The following PLCH1 variants were observed in gnomAD, a reference collection of about 807,000 sequenced individuals.
PLCH1 encodes phospholipase C eta 1.
In PLCH1, 60 loss-of-function variants were observed where a neutral mutation model predicts 126.7. That is an observed-to-expected ratio of 0.47 (90% CI 0.38 to 0.59). The LOEUF (loss-of-function observed/expected upper bound fraction) is 0.59, where lower values mean the gene tolerates loss of function less well. Ranked by LOEUF, PLCH1 falls within the 20% of genes least tolerant of loss-of-function variation. The pLI is 0.00. For synonymous variants in PLCH1, 719 were observed against 734.9 expected, an observed-to-expected ratio of 0.98 and a Z score of 0.35; for missense variants, 1,723 against 2,040.0, an observed-to-expected ratio of 0.84 and a Z score of 2.99.
Position 155,488,781 on chromosome 3 carries a change from T to A in PLCH1, c.2418A>T (p.Thr806=). The A allele has an allele frequency of 6.2e-7, 1 of 1,612,808 alleles. No homozygotes were observed. The highest frequency in any genetic ancestry group is 1.1e-5 in the South Asian group (1 of 90,808). The change falls in exon 20 of 23, where the codon ACA becomes ACT. Residue 806 remains threonine, a synonymous_variant. Coordinates refer to ENST00000460012, the MANE Select transcript of PLCH1 (RefSeq NM_014996.4). ...DNGFNPVWEE[T]LTFTVHMPEI... ...CTGGCATGTGTACTGTAAATGTCAGTGTTTCTTCCCACACAGGGTTAAATC... is the reference window on the plus strand; with the variant it reads ...CTGGCATGTGTACTGTAAATGTCAGAGTTTCTTCCCACACAGGGTTAAATC...
At chr3:155,734,083 G>A (rs147403111) in intron 1 of PLCH1, among the ~76,000 whole-genome samples, 3 of 151,492 alleles carry the variant, frequency 2.0e-5, no homozygotes, top group South Asian at 2.1e-4. Context: ...AAAAGTAAGT[G>A]CTGGCAAGGA....
intron 6 of PLCH1, among the ~76,000 whole-genome samples, chr3:155,578,540 T>G (rs949526063): frequency 7.9e-5 from 12 of 152,196 alleles, no homozygotes; most frequent in Admixed American, 7.9e-4. Context: ...CTCATTAGCA[T>G]GAACTCAGAT....
Position 155,522,737 on chromosome 3 carries a change from G to T in PLCH1, c.1470+1160C>A, listed in dbSNP as rs534571832. On this transcript the variant is annotated intron_variant, in intron 11 of 22. Coordinates refer to ENST00000460012, the MANE Select transcript of PLCH1 (RefSeq NM_014996.4). The stretch of plus-strand genomic sequence containing the variant: ...TTTTTTTTTTTTTTTTTAGAGGGTA[G>T]AATCATAGTCCTGATGTCTAGAGGA... Among the ~76,000 whole-genome samples the T allele has an allele frequency of 7.9e-4, 113 of 142,218 alleles. 5 individuals are homozygous for T. The South Asian group carries it at 0.025, about 32-fold the overall frequency. The allele number at this position is 142,218 out of a possible 152,430, so 93.3% of individuals were successfully genotyped here.
intron 2 of PLCH1, among the ~76,000 whole-genome samples, chr3:155,647,382 G>C (rs1740179851): frequency 6.6e-6 from 1 of 151,654 alleles, no homozygotes; most frequent in African/African-American, 2.4e-5. Flanking sequence ...AATTTAATAA[G>C]AATGTTTCTG....
chr3:155,479,779 C>T (rs1713728842), downstream of PLCH1: 1 of 152,162 alleles, frequency 6.6e-6, no homozygotes, highest in Non-Finnish European at 1.5e-5. Context: ...TCTGTGATAG[C>T]TTTCTATTTT....
chr3:155,482,690 T>A lies in PLCH1; in HGVS notation c.3336A>T (p.Lys1112Asn). 1.9e-6 allele frequency: 3 copies of A among 1,614,192 alleles called. No homozygotes were observed. The highest frequency in any genetic ancestry group is 2.2e-5 in the South Asian group (2 of 91,092). Reference sequence around the variant, plus strand: ...AAAGGACGCTTCCTGACAAGATGCTTTTCCCTTCCACAAAGTCCTCAGGAT... The same window carrying A: ...AAAGGACGCTTCCTGACAAGATGCTATTCCCTTCCACAAAGTCCTCAGGAT... ...KGNPEDFVEGKSILSGSVLSH... is the reference protein window; with the variant it reads ...KGNPEDFVEGNSILSGSVLSH... Residue 1112 changes from lysine (K) to asparagine (N), a missense_variant, in exon 23 of 23, where the codon AAA (lysine) becomes AAT (asparagine). Around this residue, in one of 2 missense-constraint regions of PLCH1, gnomAD observed 947 missense variants for 977.1 expected, o/e 0.97. Transcript: ENST00000460012.
intron 9 of PLCH1, among the ~76,000 whole-genome samples, chr3:155,551,489 A>T (rs1726129970): frequency 7.3e-6 from 1 of 137,704 alleles, no homozygotes. Context: ...AAGCCTAATT[A>T]GTGCTTGATG....
At chr3:155,635,283 T>C (rs1738584190) in intron 2 of PLCH1, among the ~76,000 whole-genome samples, 1 of 152,188 alleles carries the variant, frequency 6.6e-6, no homozygotes, top group South Asian at 2.1e-4. Flanking sequence ...GTTCTTTTTA[T>C]ACTCATAGGT....
intron 2 of PLCH1, among the ~76,000 whole-genome samples, chr3:155,618,848 C>T (rs77911212): frequency 0.021 from 3,132 of 152,148 alleles, 121 homozygotes; most frequent in African/African-American, 0.072. Flanking sequence ...ACCAAGTGGC[C>T]CATTACCCAA....
chr3:155,676,453 A>G, intron 2 of PLCH1: 1 of 963,420 alleles, frequency 1.0e-6, no homozygotes, highest in African/African-American at 1.8e-5. Flanking sequence ...GTCTTTATCC[A>G]TCAAAGAAAC....
intron 10 of PLCH1, among the ~76,000 whole-genome samples, chr3:155,529,387 TTG>T (rs1006265587): frequency 1.1e-4 from 5 of 47,480 alleles, no homozygotes; most frequent in Non-Finnish European, 4.9e-4. Context: ...AAATTACTAT[TTG>T]TTTTTTTTTT....
intron 2 of PLCH1, among the ~76,000 whole-genome samples, chr3:155,617,055 T>C (rs13077520): frequency 0.28 from 43,062 of 151,940 alleles, 6,549 homozygotes; most frequent in East Asian, 0.44. Context: ...GTTATATCCA[T>C]ATAAATGTGT....
At chr3:155,590,820 T>A (rs1389554971) in intron 4 of PLCH1, among the ~76,000 whole-genome samples, 1 of 152,154 alleles carries the variant, frequency 6.6e-6, no homozygotes, top group African/African-American at 2.4e-5. Flanking sequence ...TGAAAATGAT[T>A]CCCTGACTCA....
intron 6 of PLCH1, among the ~76,000 whole-genome samples, chr3:155,575,554 T>G (rs1729827491): frequency 6.6e-6 from 1 of 152,226 alleles, no homozygotes; most frequent in African/African-American, 2.4e-5. Context: ...CTCTTGGAAT[T>G]AACTATCCAC....
At chr3:155,664,764 C>T (rs576162432) in intron 2 of PLCH1, among the ~76,000 whole-genome samples, 1 of 152,246 alleles carries the variant, frequency 6.6e-6, no homozygotes, top group Admixed American at 6.5e-5. Flanking sequence ...TATATATTAG[C>T]TCAAAATTTA....
chr3:155,498,756 T>A (rs897042238), intron 14 of PLCH1, among the ~76,000 whole-genome samples: 2 of 152,206 alleles, frequency 1.3e-5, no homozygotes, highest in Admixed American at 1.3e-4. Context: ...CATTCATTAC[T>A]TTATCTAGTG....
chr3:155,523,765 GT>G (rs1576904697), intron 11 of PLCH1, 131 bp downstream of exon 11: 2 of 583,076 alleles, frequency 3.4e-6, no homozygotes, highest in East Asian at 6.1e-5. Flanking sequence ...AGCAAATAAA[GT>G]AATTTTCAAT....
chr3:155,710,161 TA>T (rs1269236526), intron 1 of PLCH1, among the ~76,000 whole-genome samples: 1 of 152,150 alleles, frequency 6.6e-6, no homozygotes, highest in Non-Finnish European at 1.5e-5. Flanking sequence ...CGAATTTTTG[TA>T]TTTTTTTAGT....
chr3:155,580,254 A>G (rs1432280258), intron 6 of PLCH1, among the ~76,000 whole-genome samples: 1 of 152,194 alleles, frequency 6.6e-6, no homozygotes, highest in Non-Finnish European at 1.5e-5. Context: ...CCAATGGCTC[A>G]ATAATAAGTA....
Sources: allele counts gnomAD v4.1 joint callset (sites outside exome capture counted in the v4.1 genomes callset), GRCh38; gene constraint gnomAD v4.1.1; regional missense constraint gnomAD v4.1.1; transcripts MANE v1.5; gene names NCBI Gene and HGNC (gene_info 2026-07-23, HGNC 2026-07-21).